PPM1H: variants seen among roughly 807,000 people sequenced by gnomAD.
PPM1H encodes the protein protein phosphatase 1H.
A neutral mutation model predicts 54.9 loss-of-function variants in PPM1H; 27 were observed. The ratio of observed to expected loss-of-function variants is 0.49; its 90% CI spans 0.36 to 0.68. The LOEUF (loss-of-function observed/expected upper bound fraction) is 0.68. Among genes scored for constraint, PPM1H ranks in the 30% least tolerant of loss-of-function variants. The pLI is 0.00. For missense variants in PPM1H, 596 were observed against 667.8 expected, an observed-to-expected ratio of 0.89 and a Z score of 1.19; for synonymous variants, 305 against 270.8, an observed-to-expected ratio of 1.13 and a Z score of -1.24.
At chr12:62,743,269 C>T (rs961788648) in intron 4 of PPM1H, among the ~76,000 whole-genome samples, 2 of 152,074 alleles carry the variant, frequency 1.3e-5, no homozygotes, top group African/African-American at 2.4e-5. Context: ...AGGAGAATTG[C>T]TTGAACCTGG....
chr12:62,669,473 C>T (rs2075941363), intron 8 of PPM1H, among the ~76,000 whole-genome samples: 1 of 152,074 alleles, frequency 6.6e-6, no homozygotes, highest in Non-Finnish European at 1.5e-5. Context: ...GTTCACAGAC[C>T]GGGCCCCGAG....
Position 62,801,873 on chromosome 12 carries a change from C to A in PPM1H, c.699G>T (p.Lys233Asn), listed in dbSNP as rs1450987605. ...STPPTRFFTE[K>N]KIPHECLVIG... is the part of the protein sequence containing the mutation. ...TGACCAGGCACTCATGGGGAATCTT[C>A]TTCTCGGTAAAGAAGCGTGTGGGGG... Residue 233 changes from lysine (K) to asparagine (N), a missense_variant, in exon 3 of 10, where the codon AAG (lysine) becomes AAT (asparagine). Around this residue, in one of 3 missense-constraint regions of PPM1H, gnomAD observed 382 missense variants for 387.1 expected, o/e 0.99. Coordinates refer to ENST00000228705, the MANE Select transcript of PPM1H (RefSeq NM_020700.2). The A allele has an allele frequency of 6.2e-7, 1 of 1,613,962 alleles. No individual in the cohort carries two copies. Among genetic ancestry groups the A allele is most frequent in the Non-Finnish European group, 8.5e-7 (1 of 1,179,826 alleles).
At chr12:62,777,726 A>G (rs1404524088) in intron 4 of PPM1H, among the ~76,000 whole-genome samples, 2 of 152,270 alleles carry the variant, frequency 1.3e-5, no homozygotes, top group Non-Finnish European at 2.9e-5. Flanking sequence ...GAACTGGTAT[A>G]TCATTTAAAA....
chr12:62,913,089 G>A, intron 1 of PPM1H, among the ~76,000 whole-genome samples: 1 of 152,154 alleles, frequency 6.6e-6, no homozygotes, highest in East Asian at 1.9e-4. Context: ...GAGAAGCAAG[G>A]CTATAGGTAA....
At chr12:62,871,629 C>T (rs1869988974) in intron 1 of PPM1H, among the ~76,000 whole-genome samples, 1 of 151,448 alleles carries the variant, frequency 6.6e-6, no homozygotes, top group Non-Finnish European at 1.5e-5. Flanking sequence ...ATCCTCCCAT[C>T]TCAGCCTCCC....
At chr12:62,655,978 G>A (rs951895760) in intron 9 of PPM1H, among the ~76,000 whole-genome samples, 27 of 152,226 alleles carry the variant, frequency 1.8e-4, no homozygotes, top group African/African-American at 5.3e-4. Flanking sequence ...GGCTCTGAGC[G>A]GGAGGGAGCA....
At chr12:62,806,599 G>A (rs2076807081) in intron 2 of PPM1H, among the ~76,000 whole-genome samples, 1 of 152,158 alleles carries the variant, frequency 6.6e-6, no homozygotes, top group African/African-American at 2.4e-5. Flanking sequence ...GTGACAGTGA[G>A]TGAGTTCTCA....
chr12:62,908,224 T>C (rs924973696), intron 1 of PPM1H, among the ~76,000 whole-genome samples: 1 of 151,922 alleles, frequency 6.6e-6, no homozygotes, highest in African/African-American at 2.4e-5. Context: ...AGACCAGCCA[T>C]GGTGAAACCC....
intron 2 of PPM1H, among the ~76,000 whole-genome samples, chr12:62,802,724 C>T (rs554262377): frequency 5.8e-4 from 89 of 152,178 alleles, no homozygotes; most frequent in Non-Finnish European, 2.9e-5. Flanking sequence ...GGACTACAGG[C>T]GCGTGCCACC....
At chr12:62,660,570 C>T (rs1339639156) in intron 9 of PPM1H, among the ~76,000 whole-genome samples, 4 of 152,018 alleles carry the variant, frequency 2.6e-5, no homozygotes, top group Non-Finnish European at 5.9e-5. Context: ...AACAAAGGTG[C>T]CAAGAACATA....
At chr12:62,764,722 A>G (rs973220987) in intron 4 of PPM1H, among the ~76,000 whole-genome samples, 1 of 152,186 alleles carries the variant, frequency 6.6e-6, no homozygotes, top group East Asian at 1.9e-4. Context: ...AGAGCTCACA[A>G]TATAGGGAGG....
At chr12:62,908,842 A>AT (rs1871377004) in intron 1 of PPM1H, among the ~76,000 whole-genome samples, 1 of 152,174 alleles carries the variant, frequency 6.6e-6, no homozygotes, top group African/African-American at 2.4e-5. Context: ...TCCCTTATCT[A>AT]TTTAATCCTC....
At chr12:62,703,592 C>T (rs1014690129) in intron 6 of PPM1H, among the ~76,000 whole-genome samples, 3 of 152,026 alleles carry the variant, frequency 2.0e-5, no homozygotes, top group Admixed American at 1.3e-4. Context: ...TCAGCAGTAG[C>T]TTAAATCTCA....
chr12:62,731,278 A>G (rs2076319318), intron 5 of PPM1H, among the ~76,000 whole-genome samples: 1 of 152,114 alleles, frequency 6.6e-6, no homozygotes, highest in African/African-American at 2.4e-5. Context: ...TTTTTTTATG[A>G]CTCAGACATT....
At chr12:62,856,471 T>A (rs117692881) in intron 1 of PPM1H, among the ~76,000 whole-genome samples, 15 of 152,194 alleles carry the variant, frequency 9.9e-5, no homozygotes, top group African/African-American at 3.1e-4. Flanking sequence ...CTCTTTTTTT[T>A]ATTTTGTCAG....
chr12:62,747,648 G>A (rs1238021022), intron 4 of PPM1H, among the ~76,000 whole-genome samples: 1 of 152,212 alleles, frequency 6.6e-6, no homozygotes, highest in Admixed American at 6.5e-5. Context: ...AAAAGCCCAT[G>A]TTCTGCCAGG....
At chr12:62,719,357 T>TCATTCTCATATGGTCTCCAGAC (rs2076251966) in intron 6 of PPM1H, among the ~76,000 whole-genome samples, 1 of 152,206 alleles carries the variant, frequency 6.6e-6, no homozygotes, top group Non-Finnish European at 1.5e-5. Flanking sequence ...GTCCATGGTC[T>TCATTCTCATATGGTCTCCAGAC]CATTCTCATA....
intron 6 of PPM1H, among the ~76,000 whole-genome samples, chr12:62,707,037 C>T (rs1221517676): frequency 6.6e-6 from 1 of 152,136 alleles, no homozygotes; most frequent in African/African-American, 2.4e-5. Context: ...TCCAAATTTT[C>T]ATACCTAGGT....
chr12:62,737,365 T>TA, intron 5 of PPM1H, 137 bp downstream of exon 5: 1 of 474,098 alleles, frequency 2.1e-6, no homozygotes, highest in Admixed American at 4.2e-5. Flanking sequence ...CCAGAAGGTG[T>TA]GTGTGGGGGA....
Sources: gnomAD v4.1 joint callset for allele counts (sites outside exome capture counted in the v4.1 genomes callset) on GRCh38, gnomAD v4.1.1 for gene constraint, gnomAD v4.1.1 regional missense constraint, MANE v1.5 for transcripts, NCBI Gene and HGNC (gene_info 2026-07-23, HGNC 2026-07-21) for gene names.